The following ADGB variants were observed in gnomAD, a reference collection of about 807,000 sequenced individuals.
ADGB encodes androglobin.
In ADGB, 172 loss-of-function variants were observed where a neutral mutation model predicts 210.5. The ratio of observed to expected loss-of-function variants is 0.82; its 90% confidence interval spans 0.72 to 0.93. The LOEUF (loss-of-function observed/expected upper bound fraction) is 0.93, where lower values mean the gene tolerates loss of function less well. ADGB is among the 40% of genes least tolerant of loss of function. The pLI is 0.00. For synonymous variants in ADGB, 658 were observed against 662.7 expected (o/e 0.99, Z 0.11); for missense variants, 2,025 against 1,964.8 (o/e 1.03, Z -0.58).
At position 146,813,629 on chromosome 6, in the gene ADGB, C is replaced by T. The variant is rs570671069; in HGVS notation, c.4819-1403C>T. 2.5e-3 allele frequency among the ~76,000 whole-genome samples: 327 copies of T among 132,280 alleles called. 2 individuals are homozygous for T. Among genetic ancestry groups the T allele is most frequent in the Non-Finnish European group, 3.6e-3 (218 of 60,316 alleles). 86.8% of individuals were successfully genotyped at this position (132,280 alleles called of 152,430 possible). On this transcript the variant is annotated intron_variant, in intron 35 of 35. Transcript: ENST00000397944. ...CAGACCTTCAGAGGAATGTCTGTTT[C>T]GCAAAAGTTTGTTTAATTAATGAAT...
chr6:146,692,856 TG>T lies in ADGB; in HGVS notation c.1519del (p.Glu507ArgfsTer7). Reference protein sequence around the residue: ...LIVKKPERFLEISSPFLNYRM... With the variant: ...LIVKKPERFLXISSPFLNYRM... Reference sequence around the variant, plus strand: ...TAGTAAAGAAGCCTGAACGGTTCCTTGAGATTTCAAGTCCATTTTTGAATTA... The same window carrying T: ...TAGTAAAGAAGCCTGAACGGTTCCTTAGATTTCAAGTCCATTTTTGAATTA... On this transcript the variant is annotated frameshift_variant, in exon 12 of 36. Coordinates refer to ENST00000397944, the MANE Select transcript of ADGB (RefSeq NM_024694.4). LOFTEE classifies it high-confidence loss of function. 1 of 1,537,688 alleles carries T rather than the reference TG, an allele frequency of 6.5e-7. No homozygotes were observed. The highest frequency in any genetic ancestry group is 1.2e-5 in the South Asian group (1 of 82,758).
intron 1 of ADGB, among the ~76,000 whole-genome samples, chr6:146,604,513 G>T (rs1780605311): frequency 6.6e-6 from 1 of 151,892 alleles, no homozygotes; most frequent in Non-Finnish European, 1.5e-5. Flanking sequence ...GGCAGCCAGG[G>T]CTTACCTGTA....
At chr6:146,769,200 T>C (rs1777618877) in intron 29 of ADGB, 69 bp downstream of exon 29, 2 of 733,668 alleles carry the variant, frequency 2.7e-6, no homozygotes, top group Non-Finnish European at 4.4e-6. Flanking sequence ...TATTTAATAA[T>C]AAATTGATTT....
At chr6:146,781,824 G>A (rs1285767603) in intron 29 of ADGB, among the ~76,000 whole-genome samples, 196 bp from the exon 30 acceptor site, 4 of 152,136 alleles carry the variant, frequency 2.6e-5, no homozygotes, top group Non-Finnish European at 5.9e-5. Flanking sequence ...TCACTCAATG[G>A]TGAGTGTTTG....
chr6:146,793,084 C>G (rs1777975746), intron 33 of ADGB, among the ~76,000 whole-genome samples: 1 of 152,106 alleles, frequency 6.6e-6, no homozygotes, highest in Non-Finnish European at 1.5e-5. Flanking sequence ...GCTTTTATTC[C>G]ATTATTTGTC....
rs186855327 is a variant in ADGB, at chr6:146,650,659, G to A, written c.331-3476G>A. On this transcript the variant is annotated intron_variant, in intron 3 of 35. Coordinates refer to ENST00000397944, the MANE Select transcript of ADGB (RefSeq NM_024694.4). The stretch of plus-strand genomic sequence containing the variant: ...ATCAGGGGCCAGGATTTTGGAAATA[G>A]TTTCTCCCCTAGTGAGGAGAGGAGA... Among the ~76,000 whole-genome samples, 55 of 121,444 alleles carry A rather than the reference G, an allele frequency of 4.5e-4. No homozygotes were observed. In the Middle Eastern group the frequency reaches 0.023, roughly 50 times the overall value. The allele number at this position is 121,444 out of a possible 152,430, so 79.7% of individuals were successfully genotyped here.
At chr6:146,691,451 T>A (rs1311825524) in intron 11 of ADGB, among the ~76,000 whole-genome samples, 161 bp downstream of exon 11, 2 of 19,956 alleles carry the variant, frequency 1.0e-4, no homozygotes, top group African/African-American at 3.0e-4. Context: ...TAAAAATATA[T>A]ATATATAAAA....
intron 33 of ADGB, among the ~76,000 whole-genome samples, chr6:146,791,111 G>C (rs535578666): frequency 6.6e-6 from 1 of 152,082 alleles, no homozygotes; most frequent in Admixed American, 6.5e-5. Flanking sequence ...CCAATGTATG[G>C]TTTGCAAATA....
rs1435772566 is a variant in ADGB, at chr6:146,726,130, T to C, written c.2285T>C (p.Ile762Thr). 5.2e-6 allele frequency: 8 copies of C among 1,549,874 alleles called. No homozygotes were observed. The East Asian group carries it at 2.0e-4, about 38-fold the overall frequency. ...GCATACTCCCCAGTAGGACACTCCA[T>C]ACACATCTGCAGCATGGTGTCATTT... ...FNAYSPVGHSIHICSMVSFVI... is the reference protein window; with the variant it reads ...FNAYSPVGHSTHICSMVSFVI... The change falls in exon 19 of 36, where the codon ATA becomes ACA. Residue 762 changes from isoleucine to threonine, a missense_variant. Ile to Thr is a moderately conservative substitution (Grantham distance 89). Coordinates refer to ENST00000397944, the MANE Select transcript of ADGB (RefSeq NM_024694.4).
intron 8 of ADGB, among the ~76,000 whole-genome samples, chr6:146,674,344 G>T (rs1280364532): frequency 1.3e-5 from 2 of 152,100 alleles, no homozygotes; most frequent in African/African-American, 4.8e-5. Flanking sequence ...TGAATCTAGT[G>T]AAGGAAAATT....
In ADGB at chr6:146,746,015, C is replaced by T. The variant is rs1453113785; in HGVS notation, c.3271C>T (p.Leu1091=). ...GCGTCTCATCGGTTCTTCTGCTCCACTGCCATGCCTCTCTCGAGACTCTCC... is the reference window on the plus strand; with the variant it reads ...GCGTCTCATCGGTTCTTCTGCTCCATTGCCATGCCTCTCTCGAGACTCTCC... The part of the protein sequence containing the change: ...KLRLIGSSAP[L]PCLSRDSPCN... The change falls in exon 26 of 36, where the codon CTG becomes TTG. Residue 1091 remains leucine, a synonymous_variant. Transcript: ENST00000397944. 1.3e-6 allele frequency: 2 copies of T among 1,551,368 alleles called. No individual in the cohort carries two copies. Among genetic ancestry groups the T allele is most frequent in the Non-Finnish European group, 1.7e-6 (2 of 1,146,784 alleles).
chr6:146,751,216 T>A (rs1777315556), intron 26 of ADGB, among the ~76,000 whole-genome samples: 1 of 149,028 alleles, frequency 6.7e-6, no homozygotes, highest in Admixed American at 6.9e-5. Flanking sequence ...CACTTATAAG[T>A]GAGAATATGC....
In ADGB at chr6:146,715,385, A is replaced by C; in HGVS notation, c.1711A>C (p.Asn571His). ...GTGTGTTTCTTTTAATTCATAGGGA[A>C]ATACTGCTTCACAAGTTATACTTGG... ...SQITKATSQGNTASQVILGKG... is the reference protein window; with the variant it reads ...SQITKATSQGHTASQVILGKG... Residue 571 changes from asparagine (N) to histidine (H), a missense_variant, in exon 14 of 36, where the codon AAT becomes CAT. By Grantham distance (68) the Asn-to-His change is moderately conservative. Coordinates refer to ENST00000397944, the MANE Select transcript of ADGB (RefSeq NM_024694.4). 6.7e-7 allele frequency: 1 copy of C among 1,500,512 alleles called. No homozygotes were observed. Among genetic ancestry groups the C allele is most frequent in the African/African-American group, 1.4e-5 (1 of 69,328 alleles). The allele number at this position is 1,500,512 out of a possible 1,614,324, so 92.9% of individuals were successfully genotyped here.
intron 3 of ADGB, among the ~76,000 whole-genome samples, chr6:146,650,779 C>CT (rs1337610233): frequency 6.6e-6 from 1 of 152,064 alleles, no homozygotes; most frequent in Non-Finnish European, 1.5e-5. Flanking sequence ...AGGGGCAAGA[C>CT]TAAACAGACA....
At chr6:146,612,036 C>T (rs1780719469) in intron 1 of ADGB, among the ~76,000 whole-genome samples, 2 of 152,120 alleles carry the variant, frequency 1.3e-5, no homozygotes. Context: ...GTGTCCCAGA[C>T]TGCTCTCCTG....
chr6:146,774,245 T>A (rs1201251207), intron 29 of ADGB, among the ~76,000 whole-genome samples: 1 of 152,168 alleles, frequency 6.6e-6, no homozygotes, highest in South Asian at 2.1e-4. Context: ...AACATTAATA[T>A]CTGAAATGAA....
At chr6:146,711,453 T>A (rs1370406136) in intron 13 of ADGB, among the ~76,000 whole-genome samples, 2 of 152,158 alleles carry the variant, frequency 1.3e-5, no homozygotes, top group Non-Finnish European at 2.9e-5. Context: ...AGACTTCCTT[T>A]TGTCTCTCTC....
At chr6:146,727,571 A>G (rs1776915321) in intron 19 of ADGB, among the ~76,000 whole-genome samples, 1 of 152,100 alleles carries the variant, frequency 6.6e-6, no homozygotes, top group African/African-American at 2.4e-5. Flanking sequence ...GTGTTTATTT[A>G]TTTTGGTCTG....
chr6:146,738,077 A>G (rs1253147378), intron 23 of ADGB, among the ~76,000 whole-genome samples: 2 of 152,202 alleles, frequency 1.3e-5, no homozygotes, highest in Non-Finnish European at 2.9e-5. Flanking sequence ...AGCTAACCCC[A>G]GCTCTACTAA....
Sources: allele counts gnomAD v4.1 joint callset (sites outside exome capture counted in the v4.1 genomes callset), GRCh38; gene constraint gnomAD v4.1.1; transcripts MANE v1.5; gene names NCBI Gene and HGNC (gene_info 2026-07-23, HGNC 2026-07-21).